The following UVRAG variants were observed in gnomAD, a reference collection of about 807,000 sequenced individuals.
UVRAG encodes the protein UV radiation resistance associated, also known as UV radiation resistance-associated gene protein.
UVRAG carries 19 observed loss-of-function variants against 78.0 expected under a neutral mutation model. That is an observed-to-expected ratio of 0.24 (90% CI 0.17 to 0.36). The LOEUF (loss-of-function observed/expected upper bound fraction) is 0.36. Among genes scored for constraint, UVRAG ranks in the 10% least tolerant of loss-of-function variants. The pLI, the probability that UVRAG is intolerant of heterozygous loss-of-function variation, is 1.00. For synonymous variants in UVRAG, 323 were observed against 324.6 expected (o/e 1.00, Z 0.05); for missense variants, 740 against 853.8 (o/e 0.87, Z 1.66).
At chr11:75,851,287 A>T (rs766053980) in intron 1 of UVRAG, among the ~76,000 whole-genome samples, 1 of 152,230 alleles carries the variant, frequency 6.6e-6, no homozygotes, top group Non-Finnish European at 1.5e-5. Context: ...AATTGTTAGG[A>T]AGGAGGCCTG....
intron 1 of UVRAG, among the ~76,000 whole-genome samples, chr11:75,829,147 G>A (rs1945600048): frequency 6.6e-6 from 1 of 152,066 alleles, no homozygotes. Context: ...CACAGGTAAT[G>A]CACTACAACC....
intron 14 of UVRAG, among the ~76,000 whole-genome samples, chr11:76,128,426 G>A (rs989973744): frequency 1.3e-5 from 2 of 152,170 alleles, no homozygotes; most frequent in African/African-American, 4.8e-5. Flanking sequence ...GGGGGCCACT[G>A]CTTTAGCATA....
At chr11:75,970,940 A>C (rs1479444018) in intron 7 of UVRAG, among the ~76,000 whole-genome samples, 2 of 152,270 alleles carry the variant, frequency 1.3e-5, no homozygotes, top group Non-Finnish European at 2.9e-5. Flanking sequence ...AGTTTTGACA[A>C]ATGTATTATG....
intron 9 of UVRAG, among the ~76,000 whole-genome samples, chr11:76,006,496 C>CA (rs1011220341): frequency 1.1e-4 from 16 of 151,382 alleles, no homozygotes; most frequent in African/African-American, 3.9e-4. Flanking sequence ...ACTGTCTCTA[C>CA]AAAAAATACA....
intron 8 of UVRAG, among the ~76,000 whole-genome samples, chr11:76,002,348 G>A (rs1005267335): frequency 2.6e-5 from 4 of 152,088 alleles, no homozygotes; most frequent in Middle Eastern, 3.2e-3. Context: ...AGCTGATTGG[G>A]ATATTTTTTT....
At chr11:76,011,346 G>A (rs1448022583) in intron 11 of UVRAG, among the ~76,000 whole-genome samples, 4 of 152,166 alleles carry the variant, frequency 2.6e-5, no homozygotes, top group Non-Finnish European at 5.9e-5. Flanking sequence ...TACATTGGCC[G>A]GGTGCGGTGG....
intron 13 of UVRAG, among the ~76,000 whole-genome samples, chr11:76,110,842 CAT>C (rs766065856): frequency 4.6e-5 from 7 of 151,702 alleles, no homozygotes; most frequent in Admixed American, 1.3e-4. Flanking sequence ...TATAAAATCC[CAT>C]ATATATATAT....
intron 6 of UVRAG, among the ~76,000 whole-genome samples, chr11:75,928,149 TC>T (rs1948154337): frequency 6.6e-6 from 1 of 152,024 alleles, no homozygotes; most frequent in Admixed American, 6.6e-5. Flanking sequence ...AGACTGGGCT[TC>T]GGGGTCAACC....
intron 7 of UVRAG, among the ~76,000 whole-genome samples, chr11:75,970,999 A>G (rs944342657): frequency 1.3e-5 from 2 of 152,164 alleles, no homozygotes; most frequent in Admixed American, 1.3e-4. Flanking sequence ...CCCTAAAAAT[A>G]TCCTATCCTC....
chr11:76,023,216 G>T (rs557915492), intron 12 of UVRAG, among the ~76,000 whole-genome samples: 8 of 152,222 alleles, frequency 5.3e-5, no homozygotes, highest in Admixed American at 2.0e-4. Context: ...TTCAGTTGAA[G>T]GCCTTAGCCT....
At chr11:75,965,749 A>G (rs1949008632) in intron 7 of UVRAG, among the ~76,000 whole-genome samples, 1 of 152,224 alleles carries the variant, frequency 6.6e-6, no homozygotes, top group South Asian at 2.1e-4. Context: ...GTAATAATAC[A>G]ATTAATTTTA....
rs112630243 is a variant in UVRAG, at chr11:75,853,760, G to GTTTA, written c.235+1784_235+1787dup. On this transcript the variant is annotated intron_variant, in intron 2 of 14. Transcript: ENST00000356136. Reference sequence around the variant, plus strand: ...ATTGCATGGATTTATTTATTTATTTGTTTATTTATTTATTTATTTATTTAT... The same window carrying GTTTA: ...ATTGCATGGATTTATTTATTTATTTGTTTATTTATTTATTTATTTATTTATTTAT... Among the ~76,000 whole-genome samples, 497 of 146,712 alleles carry GTTTA rather than the reference G, an allele frequency of 3.4e-3. 2 individuals carry two copies. Among genetic ancestry groups the GTTTA allele is most frequent in the South Asian group, 8.2e-3 (38 of 4,662 alleles).
chr11:75,911,430 G>A lies in UVRAG; in HGVS notation c.508-524G>A. The A allele has an allele frequency of 1.2e-5, 2 of 162,328 alleles. 1 individual carries two copies. The allele number at this position is 162,328 out of a possible 1,614,324, so 10.1% of individuals were successfully genotyped here. ...TTCTCAGGCACCTCTCCTTGGTGCT[G>A]TTGCCCCAGGTGATGTTCAGCCATC... On this transcript the variant is annotated intron_variant, in intron 5 of 14. Transcript: ENST00000356136.
At chr11:76,045,238 G>A (rs190954093) in intron 12 of UVRAG, among the ~76,000 whole-genome samples, 109 of 152,252 alleles carry the variant, frequency 7.2e-4, no homozygotes, top group African/African-American at 2.6e-3. Flanking sequence ...ATAAGAACGT[G>A]GAAAACTGAT....
chr11:75,878,022 A>C (rs1946843169), intron 3 of UVRAG, among the ~76,000 whole-genome samples: 1 of 141,380 alleles, frequency 7.1e-6, no homozygotes, highest in Non-Finnish European at 1.5e-5. Context: ...CACTTCCCAG[A>C]CGGGGTGGCT....
At chr11:75,910,214 T>C (rs1170604827) in intron 5 of UVRAG, among the ~76,000 whole-genome samples, 1 of 152,214 alleles carries the variant, frequency 6.6e-6, no homozygotes, top group East Asian at 1.9e-4. Context: ...TAAATGTCTG[T>C]AGTGATATAA....
At chr11:76,094,257 T>C (rs1476380415) in intron 13 of UVRAG, among the ~76,000 whole-genome samples, 1 of 152,216 alleles carries the variant, frequency 6.6e-6, no homozygotes, top group Non-Finnish European at 1.5e-5. Flanking sequence ...GGATTCAGTT[T>C]GCCAGTATTT....
intron 6 of UVRAG, among the ~76,000 whole-genome samples, chr11:75,928,100 C>T (rs1948153159): frequency 1.3e-5 from 2 of 151,802 alleles, no homozygotes; most frequent in Admixed American, 6.6e-5. Context: ...GAGACCCCAT[C>T]TCTAAAAAGA....
At chr11:75,906,312 C>G (rs547638623) in intron 5 of UVRAG, among the ~76,000 whole-genome samples, 68 of 151,744 alleles carry the variant, frequency 4.5e-4, no homozygotes, top group African/African-American at 1.5e-3. Flanking sequence ...TCTAATAGTT[C>G]TATAGGTTTT....
Sources: gnomAD v4.1 joint callset for allele counts (sites outside exome capture counted in the v4.1 genomes callset) on GRCh38, gnomAD v4.1.1 for gene constraint, MANE v1.5 for transcripts, NCBI Gene and HGNC (gene_info 2026-07-23, HGNC 2026-07-21) for gene names.